Variants in KLHDC7B observed in about 807,000 individuals in gnomAD.
KLHDC7B encodes kelch domain-containing protein 7B.
In KLHDC7B, 1 loss-of-function variant was observed where a neutral mutation model predicts 0.6. The observed-to-expected ratio is 1.71, with a 90% CI of 0.61 to 8.11. KLHDC7B has a LOEUF of 8.11. Ranked by LOEUF, KLHDC7B falls within the 30% of genes most tolerant of loss-of-function variation. The pLI is 0.13. For synonymous variants in KLHDC7B, 462 were observed against 405.2 expected, an observed-to-expected ratio of 1.14 and a Z score of -1.68; for missense variants, 993 against 894.9, an observed-to-expected ratio of 1.11 and a Z score of -1.40.
rs2148695155 is a variant in KLHDC7B at position 50,547,906 on chromosome 22, CTAA to C, written c.1664_1666del (p.Leu555_Ser556delinsArg). 4 of 385,122 alleles carry C rather than the reference CTAA, an allele frequency of 1.0e-5. No homozygotes were observed. Among genetic ancestry groups the C allele is most frequent in the East Asian group, 4.4e-5 (1 of 22,634 alleles). 23.9% of individuals were successfully genotyped at this position (385,122 alleles called of 1,614,324 possible). A position where few individuals can be genotyped will look rare whatever the true frequency, so the allele number is the denominator to read the frequency against. On this transcript the variant is annotated inframe_deletion, in exon 1 of 1. Coordinates refer to ENST00000648057, the MANE Select transcript of KLHDC7B (RefSeq NM_138433.5). ...CCTAACCCCAGTCCCAACCCCAGCC[CTAA>C]GCCCAGCTCCAACTCCAGCCCTAAC... is the stretch of plus-strand genomic sequence containing the variant.
At position 50,548,053 on chromosome 22, in the gene KLHDC7B, AC is replaced by A. The variant is rs1265867384; in HGVS notation, c.-110del. 5 of 1,292,914 alleles carry A rather than the reference AC, an allele frequency of 3.9e-6. No individual in the cohort carries two copies. The Admixed American group carries it at 1.5e-4, about 39-fold the overall frequency. 80.1% of individuals were successfully genotyped at this position (1,292,914 alleles called of 1,614,324 possible). ...AGCCCCCACCTCAGCCCCAACCCCA[AC>A]CCCAGCCGCATCCCCTGCCCCAGCT... On this transcript the variant is annotated 5_prime_UTR_variant, in exon 1 of 1. Coordinates refer to the KLHDC7B transcript ENST00000395676. This position sits in a 1 kb window ranked among gnomAD's most constrained non-coding sequence, Gnocchi z 5.3.
In KLHDC7B at chr22:50,546,604, C is replaced by T. The variant is rs867678842; in HGVS notation, c.361C>T (p.Arg121Trp). 2.3e-5 allele frequency: 9 copies of T among 397,278 alleles called. No individual in the cohort carries two copies. Among genetic ancestry groups the T allele is most frequent in the Admixed American group, 4.4e-5 (1 of 22,668 alleles). 24.6% of individuals were successfully genotyped at this position (397,278 alleles called of 1,614,324 possible). ...GGGCGGGGGCCTGGCCGCCATGGCC[C>T]GGCTTCCACTCAAGACGGCTGTCGA... ...APGGGLAAMA[R>W]LPLKTAVEEA... The change falls in exon 1 of 1, where the codon CGG (arginine) becomes TGG (tryptophan). Residue 121 changes from arginine to tryptophan, a missense_variant. Physicochemically the swap from Arg to Trp is moderately radical, Grantham distance 101. Coordinates refer to ENST00000648057, the MANE Select transcript of KLHDC7B (RefSeq NM_138433.5).
Position 50,549,637 on chromosome 22 carries a change from C to T in KLHDC7B, c.3394C>T (p.Leu1132=). 1 of 1,556,550 alleles carries T rather than the reference C, an allele frequency of 6.4e-7. No homozygotes were observed. The highest frequency in any genetic ancestry group is 8.7e-7 in the Non-Finnish European group (1 of 1,148,486). The change falls in exon 1 of 1, where the codon CTG becomes TTG. Residue 1132 remains leucine, a synonymous_variant. Transcript: ENST00000648057. ...CCGGCGTTCCAGCGACATCGTGGCACTGGGGGGCTTCCTGTACCGCTTCGA... is the reference window on the plus strand; with the variant it reads ...CCGGCGTTCCAGCGACATCGTGGCATTGGGGGGCTTCCTGTACCGCTTCGA... The part of the protein sequence containing the change: ...SHRRSSDIVA[L]GGFLYRFDLL...
In KLHDC7B at chr22:50,550,071, G is replaced by T. The variant is rs2069791066; in HGVS notation, c.*120G>T. 9.2e-7 allele frequency: 1 copy of T among 1,092,788 alleles called. No individual in the cohort carries two copies. Among genetic ancestry groups the T allele is most frequent in the African/African-American group, 1.6e-5 (1 of 62,276 alleles). 67.7% of individuals were successfully genotyped at this position (1,092,788 alleles called of 1,614,324 possible). A position where few individuals can be genotyped will look rare whatever the true frequency, so the allele number is the denominator to read the frequency against. On this transcript the variant is annotated 3_prime_UTR_variant, in exon 1 of 1. Coordinates refer to ENST00000648057, the MANE Select transcript of KLHDC7B (RefSeq NM_138433.5). ...TCGGAACTTCCTGCTCTTGTTTCTG[G>T]ACAACTTTCCCCTTCTGCTTTAAAG...
rs2069727235 is a variant in KLHDC7B at position 50,546,231 on chromosome 22, G to A, written c.-13G>A. 1.3e-5 allele frequency among the ~76,000 whole-genome samples: 2 copies of A among 152,206 alleles called. No homozygotes were observed. The highest frequency in any genetic ancestry group is 4.1e-4 in the South Asian group (2 of 4,836). ...GCCAGCCTGCCATCAGGCCTCTATT[G>A]CAGCCCTGAACCATGATCCAGGGCA... On this transcript the variant is annotated 5_prime_UTR_variant, in exon 1 of 1. Coordinates refer to ENST00000648057, the MANE Select transcript of KLHDC7B (RefSeq NM_138433.5).
In KLHDC7B at chr22:50,549,744, G is replaced by GGCCC; in HGVS notation, c.1578_1579insGCCC (p.Pro527AlafsTer62). ...GGAGCAGGGCTGCCTCCCTGCCCCT[G>GGCCC]CCCGCCCCCGCCCCACTGCACTGCA... is the stretch of plus-strand genomic sequence containing the variant. On this transcript the variant is annotated frameshift_variant, in exon 1 of 1. Coordinates refer to the KLHDC7B transcript ENST00000395676. LOFTEE classifies it low-confidence loss of function (END_TRUNC). 3.2e-6 allele frequency: 5 copies of GGCCC among 1,554,504 alleles called. No homozygotes were observed. Among genetic ancestry groups the GGCCC allele is most frequent in the Admixed American group, 2.0e-5 (1 of 50,754 alleles).
chr22:50,548,563 C>A lies in KLHDC7B; in HGVS notation c.2320C>A (p.Arg774Ser). The A allele has an allele frequency of 6.5e-7, 1 of 1,548,904 alleles. No homozygotes were observed. The highest frequency in any genetic ancestry group is 1.2e-5 in the South Asian group (1 of 84,182). Residue 774 changes from arginine (R) to serine (S), a missense_variant, in exon 1 of 1, where the codon CGC becomes AGC. By Grantham distance (110) the Arg-to-Ser change is moderately radical. Coordinates refer to ENST00000648057, the MANE Select transcript of KLHDC7B (RefSeq NM_138433.5). This position sits in a 1 kb window ranked among gnomAD's most constrained non-coding sequence, Gnocchi z 5.3. ...RSQPVPQLRKRSRCEIAPSSE... is the reference protein window; with the variant it reads ...RSQPVPQLRKSSRCEIAPSSE... ...ACAGCCGGTACCCCAGCTACGGAAA[C>A]GCAGCAGGTGCGAAATCGCCCCGAG...
In KLHDC7B at chr22:50,548,596, CAGG is replaced by C. The variant is rs1367128174; in HGVS notation, c.2357_2359del (p.Glu786del). On this transcript the variant is annotated inframe_deletion, in exon 1 of 1. Transcript: ENST00000648057. The surrounding 1 kb of genome is among the most constrained non-coding windows in gnomAD (Gnocchi z 5.3). ...GTGCGAAATCGCCCCGAGCTCGGAG[CAGG>C]AGGTCAGGCCGGCCGCCTCGGGGGA... is the stretch of plus-strand genomic sequence containing the variant. 11 of 1,545,354 alleles carry C rather than the reference CAGG, an allele frequency of 7.1e-6. No individual in the cohort carries two copies. The highest frequency in any genetic ancestry group is 5.9e-5 in the Admixed American group (3 of 50,916).
Position 50,549,690 on chromosome 22 carries a change from G to T in KLHDC7B, c.3447G>T (p.Val1149=). Residue 1149 remains valine (V), a synonymous_variant, in exon 1 of 1, where the codon GTG becomes GTT. Coordinates refer to ENST00000648057, the MANE Select transcript of KLHDC7B (RefSeq NM_138433.5). ...TGCTGCGGGGCGTGGGCGCCGCCGT[G>T]ATGCGCTACAACACAGTGACCGGCT... ...FDLLRGVGAA[V]MRYNTVTGSW... is the part of the protein sequence containing the mutation. 1.3e-6 allele frequency: 2 copies of T among 1,562,750 alleles called. No individual in the cohort carries two copies. The highest frequency in any genetic ancestry group is 1.7e-6 in the Non-Finnish European group (2 of 1,154,398).
rs2069761685 is a variant in KLHDC7B, at chr22:50,548,600, A to C, written c.2357A>C (p.Glu786Ala). ...RCEIAPSSEQ[E>A]VRPAASGDPQ... ...GAAATCGCCCCGAGCTCGGAGCAGG[A>C]GGTCAGGCCGGCCGCCTCGGGGGAC... The change falls in exon 1 of 1, where the codon GAG (glutamate) becomes GCG (alanine). Residue 786 changes from glutamate (E) to alanine (A), a missense_variant. Physicochemically the swap from Glu to Ala is moderately radical, Grantham distance 107 (BLOSUM62 -1). Coordinates refer to ENST00000648057, the MANE Select transcript of KLHDC7B (RefSeq NM_138433.5). This position sits in a 1 kb window ranked among gnomAD's most constrained non-coding sequence, Gnocchi z 5.3. 12 of 1,544,628 alleles carry C rather than the reference A, an allele frequency of 7.8e-6. No homozygotes were observed. The highest frequency in any genetic ancestry group is 1.0e-5 in the Non-Finnish European group (12 of 1,145,928).
In KLHDC7B at chr22:50,548,593, G is replaced by C. The variant is rs760119521; in HGVS notation, c.2350G>C (p.Glu784Gln). ...CAGGTGCGAAATCGCCCCGAGCTCG[G>C]AGCAGGAGGTCAGGCCGGCCGCCTC... is the stretch of plus-strand genomic sequence containing the variant. The part of the protein sequence containing the change: ...RSRCEIAPSS[E>Q]QEVRPAASGD... Residue 784 changes from glutamate (E) to glutamine (Q), a missense_variant, in exon 1 of 1, where the codon GAG becomes CAG. Transcript: ENST00000648057. This position sits in a 1 kb window ranked among gnomAD's most constrained non-coding sequence, Gnocchi z 5.3. The C allele has an allele frequency of 2.2e-5, 34 of 1,545,710 alleles. No homozygotes were observed. In the South Asian group the frequency reaches 3.0e-4, roughly 14 times the overall value.
At position 50,550,051 on chromosome 22, in the gene KLHDC7B, A is replaced by G. The variant is rs1234376262; in HGVS notation, c.*100A>G. 1 of 1,231,104 alleles carries G rather than the reference A, an allele frequency of 8.1e-7. No individual in the cohort carries two copies. Among genetic ancestry groups the G allele is most frequent in the Non-Finnish European group, 1.1e-6 (1 of 907,932 alleles). 76.3% of individuals were successfully genotyped at this position (1,231,104 alleles called of 1,614,324 possible). A position where few individuals can be genotyped will look rare whatever the true frequency, so the allele number is the denominator to read the frequency against. ...GCTCAGGGAAGGGGCTGGGATCGGA[A>G]CTTCCTGCTCTTGTTTCTGGACAAC... On this transcript the variant is annotated 3_prime_UTR_variant, in exon 1 of 1. Coordinates refer to ENST00000648057, the MANE Select transcript of KLHDC7B (RefSeq NM_138433.5).
rs1482448154 is a variant in KLHDC7B at position 50,549,311 on chromosome 22, C to A, written c.3068C>A (p.Thr1023Asn). Residue 1023 changes from threonine to asparagine, a missense_variant, in exon 1 of 1, where the codon ACC becomes AAC. Transcript: ENST00000648057. Reference sequence around the variant, plus strand: ...GAGGTCTTCTGCTACAACCCTCTGACCAACATCTGGAGCCAGGTTCGGCCC... The same window carrying A: ...GAGGTCTTCTGCTACAACCCTCTGAACAACATCTGGAGCCAGGTTCGGCCC... ...SNEVFCYNPLTNIWSQVRPMQ... is the reference protein window; with the variant it reads ...SNEVFCYNPLNNIWSQVRPMQ... 1 of 1,612,790 alleles carries A rather than the reference C, an allele frequency of 6.2e-7. No individual in the cohort carries two copies. The highest frequency in any genetic ancestry group is 8.5e-7 in the Non-Finnish European group (1 of 1,179,996).
At position 50,546,585 on chromosome 22, in the gene KLHDC7B, G is replaced by C; in HGVS notation, c.342G>C (p.Gly114=). The part of the protein sequence containing the change: ...QSPVPAAAPG[G]GLAAMARLPL... Reference sequence around the variant, plus strand: ...CTGTCCCTGCTGCAGCGCCGGGCGGGGGCCTGGCCGCCATGGCCCGGCTTC... The same window carrying C: ...CTGTCCCTGCTGCAGCGCCGGGCGGCGGCCTGGCCGCCATGGCCCGGCTTC... The change falls in exon 1 of 1, where the codon GGG becomes GGC. Residue 114 remains glycine, a synonymous_variant. Coordinates refer to ENST00000648057, the MANE Select transcript of KLHDC7B (RefSeq NM_138433.5). 1 of 398,088 alleles carries C rather than the reference G, an allele frequency of 2.5e-6. No individual in the cohort carries two copies. The highest frequency in any genetic ancestry group is 4.4e-6 in the Non-Finnish European group (1 of 225,700). 24.7% of individuals were successfully genotyped at this position (398,088 alleles called of 1,614,324 possible). A position where few individuals can be genotyped will look rare whatever the true frequency, so the allele number is the denominator to read the frequency against.
At position 50,547,354 on chromosome 22, in the gene KLHDC7B, G is replaced by C. The variant is rs2069742021; in HGVS notation, c.1111G>C (p.Asp371His). Among the ~76,000 whole-genome samples the C allele has an allele frequency of 6.6e-6, 1 of 151,806 alleles. No homozygotes were observed. Among genetic ancestry groups the C allele is most frequent in the African/African-American group, 2.4e-5 (1 of 41,338 alleles). Reference sequence around the variant, plus strand: ...AGGGCCGGGTGCCACAGGGGCCTACGATGCCGGCGAGGCCGGGGCTGACAG... The same window carrying C: ...AGGGCCGGGTGCCACAGGGGCCTACCATGCCGGCGAGGCCGGGGCTGACAG... ...SQGPGATGAY[D>H]AGEAGADSSR... The change falls in exon 1 of 1, where the codon GAT becomes CAT. Residue 371 changes from aspartate (D) to histidine (H), a missense_variant. Physicochemically the swap from Asp to His is moderately conservative, Grantham distance 81 (BLOSUM62 -1). Coordinates refer to ENST00000648057, the MANE Select transcript of KLHDC7B (RefSeq NM_138433.5).
Position 50,549,983 on chromosome 22 carries a change from G to A in KLHDC7B, c.*32G>A. On this transcript the variant is annotated 3_prime_UTR_variant, in exon 1 of 1. Transcript: ENST00000648057. ...GGCAGAGAACCAAAGCTGCTTCGCT[G>A]CTCTCCAGGGAGACCCTCCTGGGAT... 1.3e-6 allele frequency: 2 copies of A among 1,492,216 alleles called. No homozygotes were observed. The highest frequency in any genetic ancestry group is 1.8e-6 in the Non-Finnish European group (2 of 1,112,576). The allele number at this position is 1,492,216 out of a possible 1,614,324, so 92.4% of individuals were successfully genotyped here.
Position 50,548,544 on chromosome 22 carries a change from G to A in KLHDC7B, c.2301G>A (p.Pro767=), listed in dbSNP as rs1291075301. 8.4e-6 allele frequency: 13 copies of A among 1,551,626 alleles called. No individual in the cohort carries two copies. Among genetic ancestry groups the A allele is most frequent in the Middle Eastern group, 1.7e-4 (1 of 5,754 alleles). ...CCTCCTCTGCGAGGCGCTCACAGCCGGTACCCCAGCTACGGAAACGCAGCA... is the reference window on the plus strand; with the variant it reads ...CCTCCTCTGCGAGGCGCTCACAGCCAGTACCCCAGCTACGGAAACGCAGCA... ...AASSSARRSQ[P]VPQLRKRSRC... Residue 767 remains proline, a synonymous_variant, in exon 1 of 1, where the codon CCG becomes CCA. Transcript: ENST00000648057. This position sits in a 1 kb window ranked among gnomAD's most constrained non-coding sequence, Gnocchi z 5.3.
In KLHDC7B at chr22:50,549,557, T is replaced by C; in HGVS notation, c.3314T>C (p.Leu1105Pro). ...VTGGHLFYRLLRYSPVKDAWD... is the reference protein window; with the variant it reads ...VTGGHLFYRLPRYSPVKDAWD... ...GGGGGTCACCTCTTCTACCGCCTGC[T>C]CAGGTACAGCCCCGTGAAGGATGCT... The change falls in exon 1 of 1, where the codon CTC (leucine) becomes CCC (proline). Residue 1105 changes from leucine to proline, a missense_variant. Coordinates refer to ENST00000648057, the MANE Select transcript of KLHDC7B (RefSeq NM_138433.5). 6.3e-7 allele frequency: 1 copy of C among 1,596,594 alleles called. No individual in the cohort carries two copies. The highest frequency in any genetic ancestry group is 1.3e-5 in the African/African-American group (1 of 74,810).
chr22:50,548,100 G>A lies in KLHDC7B; in HGVS notation c.1857G>A (p.Glu619=). The change falls in exon 1 of 1, where the codon GAG becomes GAA. Residue 619 remains glutamate, a synonymous_variant. Transcript: ENST00000648057. The surrounding 1 kb of genome is among the most constrained non-coding windows in gnomAD (Gnocchi z 5.3). The part of the protein sequence containing the change: ...PAPADGSKPQ[E]SVALPRRYQE... ...CAGCTGACGGGTCAAAGCCTCAGGA[G>A]AGTGTGGCTCTCCCCAGGCGCTACC... is the stretch of plus-strand genomic sequence containing the variant. The A allele has an allele frequency of 6.9e-7, 1 of 1,439,238 alleles. No individual in the cohort carries two copies. Among genetic ancestry groups the A allele is most frequent in the Non-Finnish European group, 9.1e-7 (1 of 1,097,312 alleles). 89.2% of individuals were successfully genotyped at this position (1,439,238 alleles called of 1,614,324 possible).
Sources: allele counts gnomAD v4.1 joint callset (sites outside exome capture counted in the v4.1 genomes callset), GRCh38; gene constraint gnomAD v4.1.1; non-coding constraint Gnocchi (gnomAD v3.1); transcripts MANE v1.5; gene names NCBI Gene and HGNC (gene_info 2026-07-23, HGNC 2026-07-21).